Variants in FAT3 observed in about 807,000 individuals in gnomAD.
The protein encoded by FAT3 is protocadherin Fat 3.
FAT3 carries 95 observed loss-of-function variants against 310.2 expected under a neutral mutation model. The observed-to-expected ratio is 0.31, with a 90% CI of 0.26 to 0.36. FAT3 has a LOEUF of 0.36. Ranked by LOEUF, FAT3 falls within the 10% of genes least tolerant of loss-of-function variation. The pLI is 1.00. For missense variants in FAT3, 5,408 were observed against 5,715.6 expected, an observed-to-expected ratio of 0.95 and a Z score of 1.74; for synonymous variants, 2,314 against 2,192.9, an observed-to-expected ratio of 1.06 and a Z score of -1.54.
rs1471902976 is a variant in FAT3 at position 92,366,096 on chromosome 11, C to T, written c.3292+10692C>T. 2.0e-5 allele frequency among the ~76,000 whole-genome samples: 3 copies of T among 152,270 alleles called. No individual in the cohort carries two copies. The East Asian group carries it at 5.8e-4, about 29-fold the overall frequency. On this transcript the variant is annotated intron_variant, in intron 2 of 27. Transcript: ENST00000525166. The stretch of plus-strand genomic sequence containing the variant: ...CTAGAGCTCCCAGGCAATGGCCTGA[C>T]TCTGAAAAGCACAGGACTGGCTCTA...
chr11:92,513,618 T>C (rs1354267835), intron 2 of FAT3, among the ~76,000 whole-genome samples: 1 of 152,204 alleles, frequency 6.6e-6, no homozygotes, highest in Non-Finnish European at 1.5e-5. Context: ...TTCCTATGAA[T>C]TTATAATTAT....
intron 4 of FAT3, among the ~76,000 whole-genome samples, chr11:92,752,397 C>A (rs146441533): frequency 6.6e-6 from 1 of 152,280 alleles, no homozygotes; most frequent in South Asian, 2.1e-4. Context: ...ATTCAGTTTC[C>A]TTATTGGTTA....
intron 2 of FAT3, among the ~76,000 whole-genome samples, chr11:92,460,969 A>G (rs767103473): frequency 6.6e-6 from 1 of 152,160 alleles, no homozygotes; most frequent in Non-Finnish European, 1.5e-5. Flanking sequence ...GTTCTGAGCT[A>G]TGTGAACCAG....
intron 3 of FAT3, among the ~76,000 whole-genome samples, chr11:92,655,766 C>A (rs1025293904): frequency 2.6e-5 from 4 of 152,078 alleles, no homozygotes; most frequent in Non-Finnish European, 4.4e-5. Context: ...TCCTTTATTG[C>A]CGTCAATGGA....
Position 92,499,023 on chromosome 11 carries a change from T to C in FAT3, c.3293-25611T>C, listed in dbSNP as rs1952849427. The C allele has an allele frequency of 1.3e-5, 2 of 152,032 alleles. 1 individual carries two copies. Among genetic ancestry groups the C allele is most frequent in the South Asian group, 4.1e-4 (2 of 4,832 alleles). 9.4% of individuals were successfully genotyped at this position (152,032 alleles called of 1,614,324 possible). ...TATAGAGATGTAAACTGCTATTCCT[T>C]TTATTTTTTCAATTTTATATTTTGT... On this transcript the variant is annotated intron_variant, in intron 2 of 27. Transcript: ENST00000525166.
chr11:92,545,422 A>G (rs1357380227), intron 3 of FAT3, among the ~76,000 whole-genome samples: 1 of 152,194 alleles, frequency 6.6e-6, no homozygotes, highest in Non-Finnish European at 1.5e-5. Flanking sequence ...ACCATTGGAT[A>G]TAGTTTCTTG....
chr11:92,863,345 C>T (rs1214595705), intron 21 of FAT3, among the ~76,000 whole-genome samples: 1 of 152,098 alleles, frequency 6.6e-6, no homozygotes, highest in East Asian at 1.9e-4. Context: ...TAACCACATG[C>T]CAAGAATCTG....
chr11:92,644,960 G>A (rs1368560400), intron 3 of FAT3, among the ~76,000 whole-genome samples: 1 of 152,126 alleles, frequency 6.6e-6, no homozygotes, highest in African/African-American at 2.4e-5. Context: ...TGACAGAGGC[G>A]GGACTTGTTG....
rs182295224 is a variant in FAT3, at chr11:92,561,214, C to T, written c.3607+36266C>T. ...CATGGCTGATACTTTTACAGCTATT[C>T]CTTCAGTATTGACAGTCTCTCAGAT... On this transcript the variant is annotated intron_variant, in intron 3 of 27. Coordinates refer to ENST00000525166, the MANE Select transcript of FAT3 (RefSeq NM_001367949.2). 3.3e-5 allele frequency among the ~76,000 whole-genome samples: 5 copies of T among 151,420 alleles called. No individual in the cohort carries two copies. In the East Asian group the frequency reaches 9.7e-4, roughly 29 times the overall value.
chr11:92,496,825 C>G (rs1439511297), intron 2 of FAT3, among the ~76,000 whole-genome samples: 1 of 151,976 alleles, frequency 6.6e-6, no homozygotes, highest in African/African-American at 2.4e-5. Context: ...AAGAGACTCT[C>G]TGGTTTTATT....
At position 92,352,263 on chromosome 11, in the gene FAT3, A is replaced by G; in HGVS notation, c.151A>G (p.Thr51Ala). The change falls in exon 2 of 28, where the codon ACC (threonine) becomes GCC (alanine). Residue 51 changes from threonine (T) to alanine (A), a missense_variant. Transcript: ENST00000525166. ...CTTCACACATTCCATTTATAATGCT[A>G]CCGTGTATGAGAACTCAGCAGCAAG... ...FHFTHSIYNATVYENSAARTY... is the reference protein window; with the variant it reads ...FHFTHSIYNAAVYENSAARTY... The G allele has an allele frequency of 1.4e-6, 2 of 1,426,244 alleles. No individual in the cohort carries two copies. Among genetic ancestry groups the G allele is most frequent in the Non-Finnish European group, 1.9e-6 (2 of 1,060,964 alleles). The allele number at this position is 1,426,244 out of a possible 1,614,324, so 88.3% of individuals were successfully genotyped here.
At chr11:92,540,049 A>G (rs1954390300) in intron 3 of FAT3, among the ~76,000 whole-genome samples, 1 of 152,124 alleles carries the variant, frequency 6.6e-6, no homozygotes, top group Non-Finnish European at 1.5e-5. Context: ...CATCATGCAT[A>G]CAAGGTTTTC....
At chr11:92,246,312 A>G (rs1864902374) in intron 1 of FAT3, among the ~76,000 whole-genome samples, 1 of 152,102 alleles carries the variant, frequency 6.6e-6, no homozygotes, top group African/African-American at 2.4e-5. Flanking sequence ...GGGCTGGTAG[A>G]AACAGGAGCC....
At chr11:92,545,283 C>A (rs995475246) in intron 3 of FAT3, among the ~76,000 whole-genome samples, 2 of 152,122 alleles carry the variant, frequency 1.3e-5, no homozygotes, top group Non-Finnish European at 2.9e-5. Flanking sequence ...GTGCCCCTTC[C>A]CTGCTTTATT....
rs117039395 is a variant in FAT3, at chr11:92,581,063, C to T, written c.3607+56115C>T. ...GCCTGAGCTGGACAGCTGTTGGCTT[C>T]GTTTTCCACTTCCCTTCTGCCCAGG... On this transcript the variant is annotated intron_variant, in intron 3 of 27. Transcript: ENST00000525166. Among the ~76,000 whole-genome samples, 10 of 152,148 alleles carry T rather than the reference C, an allele frequency of 6.6e-5. No individual in the cohort carries two copies. In the East Asian group the frequency reaches 1.4e-3, roughly 21 times the overall value.
At chr11:92,656,755 A>G (rs1393670159) in intron 3 of FAT3, among the ~76,000 whole-genome samples, 2 of 152,368 alleles carry the variant, frequency 1.3e-5, no homozygotes, top group South Asian at 2.1e-4. Context: ...GCCAGTTAAT[A>G]TAGCATATCT....
intron 3 of FAT3, among the ~76,000 whole-genome samples, chr11:92,633,073 G>A (rs548540433): frequency 1.2e-3 from 187 of 152,260 alleles, no homozygotes; most frequent in African/African-American, 4.2e-3. Flanking sequence ...GTATGTTCCT[G>A]GTTCTTGATT....
intron 2 of FAT3, among the ~76,000 whole-genome samples, chr11:92,399,631 G>C (rs1949964868): frequency 6.6e-6 from 1 of 152,154 alleles, no homozygotes; most frequent in African/African-American, 2.4e-5. Flanking sequence ...ATATCCTACA[G>C]AAATGCCTAT....
intron 2 of FAT3, among the ~76,000 whole-genome samples, chr11:92,474,651 T>C (rs1952002211): frequency 6.6e-6 from 1 of 151,688 alleles, no homozygotes; most frequent in Non-Finnish European, 1.5e-5. Context: ...GAGCCTGGGG[T>C]GACTAATGGA....
Sources: gnomAD v4.1 joint callset for allele counts (sites outside exome capture counted in the v4.1 genomes callset) on GRCh38, gnomAD v4.1.1 for gene constraint, MANE v1.5 for transcripts, NCBI Gene and HGNC (gene_info 2026-07-23, HGNC 2026-07-21) for gene names.